SLC26A8: variants seen among roughly 807,000 people sequenced by gnomAD.
SLC26A8 encodes the protein solute carrier family 26 member 8, also known as testis anion transporter 1.
Under a neutral mutation model 105.0 loss-of-function variants are expected in SLC26A8, and 70 were observed. The ratio of observed to expected loss-of-function variants is 0.67; its 90% confidence interval spans 0.55 to 0.81. The LOEUF is 0.81. Among genes scored for constraint, SLC26A8 ranks in the 40% least tolerant of loss-of-function variants. The pLI is 0.00. For synonymous variants in SLC26A8, 415 were observed against 438.3 expected, an observed-to-expected ratio of 0.95 and a Z score of 0.66; for missense variants, 998 against 1,181.8, an observed-to-expected ratio of 0.84 and a Z score of 2.28.
At chr6:35,973,757 G>C (rs909305989) in intron 10 of SLC26A8, among the ~76,000 whole-genome samples, 1 of 152,170 alleles carries the variant, frequency 6.6e-6, no homozygotes, top group Non-Finnish European at 1.5e-5. Flanking sequence ...CATGGACTAT[G>C]ACACTTTGTC....
intron 10 of SLC26A8, among the ~76,000 whole-genome samples, chr6:35,970,925 G>T (rs1047252509): frequency 2.0e-5 from 3 of 152,074 alleles, no homozygotes; most frequent in Non-Finnish European, 2.9e-5. Context: ...CTACTTGGGA[G>T]GCTGAGGCAG....
chr6:35,954,435 G>A (rs1562018367), intron 17 of SLC26A8, among the ~76,000 whole-genome samples: 1 of 152,178 alleles, frequency 6.6e-6, no homozygotes. Flanking sequence ...CAGATCAGCT[G>A]AACTGTGGAG....
chr6:35,987,306 T>C (rs1773561323), intron 7 of SLC26A8, among the ~76,000 whole-genome samples: 1 of 152,232 alleles, frequency 6.6e-6, no homozygotes, highest in African/African-American at 2.4e-5. Context: ...GGTGGGTTGG[T>C]ATCTCTCAGG....
At chr6:36,012,414 G>C (rs1253231083) in intron 2 of SLC26A8, 42 bp from the exon 3 acceptor site, 1 of 1,535,762 alleles carries the variant, frequency 6.5e-7, no homozygotes, top group Non-Finnish European at 8.7e-7. Flanking sequence ...TTTCTCCAAA[G>C]AAAATGCCCG....
In SLC26A8 at chr6:35,961,925, A is replaced by G. The variant is rs147692091; in HGVS notation, c.1461+601T>C. ...CCTATCCTGAAATGTATTTACATTA[A>G]CTGGATTAAAAGTCATTCAAGGCTG... On this transcript the variant is annotated intron_variant, in intron 12 of 19. Transcript: ENST00000490799. Among the ~76,000 whole-genome samples, 226 of 152,336 alleles carry G rather than the reference A, an allele frequency of 1.5e-3. 4 individuals carry two copies. In the South Asian group the frequency reaches 0.025, roughly 17 times the overall value.
intron 2 of SLC26A8, among the ~76,000 whole-genome samples, chr6:36,014,615 C>T (rs1761946847): frequency 1.3e-5 from 2 of 152,168 alleles, no homozygotes; most frequent in South Asian, 4.1e-4. Flanking sequence ...GGTGCGGTGG[C>T]TCATGCCTGT....
intron 7 of SLC26A8, among the ~76,000 whole-genome samples, chr6:35,986,239 G>A (rs1773520075): frequency 6.6e-6 from 1 of 151,842 alleles, no homozygotes; most frequent in Admixed American, 6.6e-5. Context: ...TCTCCCTGTT[G>A]GCCAGGCTGG....
intron 10 of SLC26A8, among the ~76,000 whole-genome samples, chr6:35,974,018 C>CAA (rs540391624): frequency 7.2e-5 from 11 of 152,244 alleles, no homozygotes; most frequent in Admixed American, 2.0e-4. Context: ...CTAGTCAGTT[C>CAA]AAAACTCATG....
At chr6:35,950,219 C>T (rs1771819185) in intron 19 of SLC26A8, among the ~76,000 whole-genome samples, 1 of 151,772 alleles carries the variant, frequency 6.6e-6, no homozygotes, top group Non-Finnish European at 1.5e-5. Context: ...GTTTTAATTT[C>T]CTTTTTTTGT....
intron 5 of SLC26A8, among the ~76,000 whole-genome samples, chr6:35,994,120 T>C (rs991019332): frequency 2.7e-5 from 4 of 146,742 alleles, no homozygotes; most frequent in African/African-American, 1.0e-4. Context: ...TCTTTTCTTT[T>C]TTTTTTTTTT....
chr6:36,005,669 A>C (rs1174707182), intron 3 of SLC26A8, among the ~76,000 whole-genome samples: 2 of 152,168 alleles, frequency 1.3e-5, no homozygotes, highest in Non-Finnish European at 2.9e-5. Context: ...CACATTAATC[A>C]CTTAGTTAAG....
At chr6:35,955,559 C>A (rs554565988) in intron 16 of SLC26A8, 39 bp from the exon 17 acceptor site, 7 of 1,597,716 alleles carry the variant, frequency 4.4e-6, no homozygotes, top group Non-Finnish European at 5.1e-6. Flanking sequence ...TGGTAAGACA[C>A]CAACAAGGGC....
intron 3 of SLC26A8, among the ~76,000 whole-genome samples, chr6:36,002,823 C>A (rs1433978006): frequency 6.6e-6 from 1 of 151,990 alleles, no homozygotes; most frequent in East Asian, 1.9e-4. Context: ...CCCACCTCAG[C>A]CTCCTGAGTA....
chr6:36,014,523 C>T (rs1431900777), intron 2 of SLC26A8, among the ~76,000 whole-genome samples: 1 of 152,040 alleles, frequency 6.6e-6, no homozygotes, highest in African/African-American at 2.4e-5. Flanking sequence ...ATGAGGAAAG[C>T]TATTAAGAGG....
intron 10 of SLC26A8, 53 bp from the exon 11 acceptor site, chr6:35,969,007 G>A (rs1581643852): frequency 6.6e-7 from 1 of 1,511,152 alleles, no homozygotes; most frequent in Non-Finnish European, 9.1e-7. Flanking sequence ...ATTGGTCCCT[G>A]TCTGCAACTG....
At chr6:35,975,026 G>T (rs1320113181) in intron 10 of SLC26A8, among the ~76,000 whole-genome samples, 2 of 151,446 alleles carry the variant, frequency 1.3e-5, no homozygotes, top group Non-Finnish European at 2.9e-5. Flanking sequence ...CTAAAGTGTT[G>T]GTATTACAGG....
intron 2 of SLC26A8, among the ~76,000 whole-genome samples, chr6:36,013,092 A>T (rs1221542787): frequency 6.6e-6 from 1 of 152,188 alleles, no homozygotes; most frequent in Non-Finnish European, 1.5e-5. Context: ...GGACTTAGTT[A>T]TGTAAGGAAA....
chr6:35,954,790 CA>C (rs1771993941), intron 17 of SLC26A8: 1 of 231,366 alleles, frequency 4.3e-6, no homozygotes, highest in African/African-American at 2.3e-5. Context: ...ACCAAAAATA[CA>C]AAAATTAGCA....
intron 3 of SLC26A8, among the ~76,000 whole-genome samples, chr6:36,010,192 C>T (rs541065558): frequency 2.6e-5 from 4 of 152,316 alleles, no homozygotes; most frequent in South Asian, 2.1e-4. Context: ...AACAAAATGT[C>T]TATCAACAAG....
Sources: allele counts gnomAD v4.1 joint callset (sites outside exome capture counted in the v4.1 genomes callset), GRCh38; gene constraint gnomAD v4.1.1; transcripts MANE v1.5; gene names NCBI Gene and HGNC (gene_info 2026-07-23, HGNC 2026-07-21).